Variants in RBFOX1 observed in about 807,000 individuals in gnomAD.
The protein encoded by RBFOX1 is RNA binding fox-1 homolog 1.
RBFOX1 carries 8 observed loss-of-function variants against 57.7 expected under a neutral mutation model. The ratio of observed to expected loss-of-function variants is 0.14; its 90% confidence interval spans 0.08 to 0.25. The LOEUF is 0.25. RBFOX1 is among the 10% of genes least tolerant of loss of function. RBFOX1 has a pLI of 1.00. For synonymous variants in RBFOX1, 326 were observed against 222.4 expected, an observed-to-expected ratio of 1.47 and a Z score of -4.15; for missense variants, 611 against 548.5, an observed-to-expected ratio of 1.11 and a Z score of -1.14.
chr16:5,871,275 C>T (rs1160861180), intron 4 of RBFOX1, among the ~76,000 whole-genome samples: 4 of 152,204 alleles, frequency 2.6e-5, no homozygotes, highest in Non-Finnish European at 1.5e-5. Flanking sequence ...CTCTGCTAGC[C>T]GCAAAGCACC....
intron 5 of RBFOX1, among the ~76,000 whole-genome samples, chr16:7,567,831 CCCCATATATATA>C (rs1567870946): frequency 6.8e-6 from 1 of 147,520 alleles, no homozygotes; most frequent in Non-Finnish European, 1.5e-5. Context: ...CTATATATAT[CCCCATATATATA>C]CCTATATATA....
intron 4 of RBFOX1, among the ~76,000 whole-genome samples, chr16:5,889,129 G>C (rs1282110644): frequency 6.6e-6 from 1 of 152,128 alleles, no homozygotes; most frequent in Non-Finnish European, 1.5e-5. Context: ...TCCATGTGTA[G>C]GATGTGCAGG....
chr16:6,762,010 C>T (rs1284591972), intron 3 of RBFOX1, among the ~76,000 whole-genome samples: 2 of 152,114 alleles, frequency 1.3e-5, no homozygotes, highest in Admixed American at 1.3e-4. Context: ...CTCGACAACT[C>T]TACAGGTGCT....
chr16:5,926,097 A>T (rs182902939), intron 4 of RBFOX1, among the ~76,000 whole-genome samples: 29 of 152,336 alleles, frequency 1.9e-4, no homozygotes, highest in Non-Finnish European at 3.1e-4. Flanking sequence ...GCCATTATGT[A>T]AATATCAGGC....
At chr16:6,039,400 A>C (rs956750270) in intron 1 of RBFOX1, among the ~76,000 whole-genome samples, 1 of 150,362 alleles carries the variant, frequency 6.7e-6, no homozygotes, top group African/African-American at 2.4e-5. Context: ...AGAAGGTTGG[A>C]GGGTAAAATG....
intron 3 of RBFOX1, among the ~76,000 whole-genome samples, chr16:5,855,076 T>A (rs1341405761): frequency 1.3e-5 from 2 of 152,212 alleles, no homozygotes; most frequent in African/African-American, 2.4e-5. Flanking sequence ...TGTATGTGTG[T>A]TTTTTTCTGC....
At chr16:6,870,761 C>G (rs77910341) in intron 3 of RBFOX1, among the ~76,000 whole-genome samples, 2 of 152,180 alleles carry the variant, frequency 1.3e-5, no homozygotes, top group Admixed American at 1.3e-4. Context: ...CCCAGCCCCT[C>G]AACAAACTAA....
chr16:6,726,041 G>A (rs377380597), intron 3 of RBFOX1, among the ~76,000 whole-genome samples: 1 of 152,118 alleles, frequency 6.6e-6, no homozygotes. Flanking sequence ...CAAAGAGAGA[G>A]GAATTAAGAT....
At chr16:5,705,071 A>G (rs991410934) in intron 3 of RBFOX1, among the ~76,000 whole-genome samples, 1 of 152,136 alleles carries the variant, frequency 6.6e-6, no homozygotes, top group Non-Finnish European at 1.5e-5. Flanking sequence ...ATATGTAACC[A>G]CACATTGTAT....
chr16:7,178,581 T>G (rs1004953535), intron 4 of RBFOX1, among the ~76,000 whole-genome samples: 13 of 152,208 alleles, frequency 8.5e-5, no homozygotes, highest in African/African-American at 2.9e-4. Flanking sequence ...TATTTCTGTT[T>G]CCATCACCAG....
At chr16:5,775,603 C>T (rs2054120513) in intron 3 of RBFOX1, among the ~76,000 whole-genome samples, 1 of 152,204 alleles carries the variant, frequency 6.6e-6, no homozygotes, top group Admixed American at 6.5e-5. Context: ...GTTGGCCATC[C>T]ATACCTCTTT....
At chr16:7,464,990 C>A (rs1482796234) in intron 4 of RBFOX1, among the ~76,000 whole-genome samples, 1 of 152,064 alleles carries the variant, frequency 6.6e-6, no homozygotes, top group African/African-American at 2.4e-5. Flanking sequence ...AGCCACCGAG[C>A]CCAGCTATTG....
intron 3 of RBFOX1, among the ~76,000 whole-genome samples, chr16:6,898,765 A>G (rs7188908): frequency 0.19 from 28,676 of 151,896 alleles, 2,730 homozygotes; most frequent in South Asian, 0.27. Context: ...TAATACGTGT[A>G]TGCACATGCA....
chr16:6,016,777 A>G (rs946565550), upstream of RBFOX1, among the ~76,000 whole-genome samples: 3 of 152,192 alleles, frequency 2.0e-5, no homozygotes, highest in African/African-American at 4.8e-5. Flanking sequence ...AGCACCTCTC[A>G]TTTATCTTCC....
intron 3 of RBFOX1, among the ~76,000 whole-genome samples, chr16:5,799,855 A>G (rs765846275): frequency 6.6e-6 from 1 of 152,154 alleles, no homozygotes; most frequent in African/African-American, 2.4e-5. Context: ...TTCCCAGAAT[A>G]TAGTGTGGTA....
chr16:5,302,952 G>A (rs1448255835), intron 1 of RBFOX1, among the ~76,000 whole-genome samples: 3 of 152,176 alleles, frequency 2.0e-5, no homozygotes, highest in Non-Finnish European at 4.4e-5. Flanking sequence ...ATATGGTCAG[G>A]TTTAAGTCTA....
At chr16:6,433,457 TG>T (rs1381343096) in intron 2 of RBFOX1, among the ~76,000 whole-genome samples, 1 of 152,186 alleles carries the variant, frequency 6.6e-6, no homozygotes, top group East Asian at 1.9e-4. Flanking sequence ...AATGCAAGTG[TG>T]GGGCCAGAGG....
At chr16:7,151,358 C>G (rs764469148) in intron 4 of RBFOX1, among the ~76,000 whole-genome samples, 3 of 152,146 alleles carry the variant, frequency 2.0e-5, no homozygotes, top group East Asian at 1.9e-4. Flanking sequence ...TTTATTGGCT[C>G]ATGAAATTAG....
chr16:7,314,452 C>T (rs980368653), intron 4 of RBFOX1, among the ~76,000 whole-genome samples: 1 of 152,108 alleles, frequency 6.6e-6, no homozygotes, highest in Non-Finnish European at 1.5e-5. Context: ...AGATGGTGTG[C>T]GCCTGTGTGC....
Sources: allele counts gnomAD v4.1 joint callset (sites outside exome capture counted in the v4.1 genomes callset), GRCh38; gene constraint gnomAD v4.1.1; transcripts MANE v1.5; gene names NCBI Gene and HGNC (gene_info 2026-07-23, HGNC 2026-07-21).